Variants in KLF12 observed in about 807,000 individuals in gnomAD.
KLF12 encodes the protein KLF transcription factor 12, also known as Krueppel-like factor 12.
KLF12 carries 9 observed loss-of-function variants against 37.8 expected under a neutral mutation model. The ratio of observed to expected loss-of-function variants is 0.24; its 90% CI spans 0.14 to 0.42. The LOEUF (loss-of-function observed/expected upper bound fraction) is 0.42, where lower values mean the gene tolerates loss of function less well. Ranked by LOEUF, KLF12 falls within the 10% of genes least tolerant of loss-of-function variation. The probability of loss-of-function intolerance (pLI) is 1.00; values close to 1 mark genes in which losing one functional copy is unlikely to be tolerated. For synonymous variants in KLF12, 208 were observed against 202.1 expected (o/e 1.03, Z -0.25); for missense variants, 411 against 516.0 (o/e 0.80, Z 1.97).
At chr13:74,267,707 TA>T in the KLF12 span, among the ~76,000 whole-genome samples, 1 of 152,270 alleles carries the variant, frequency 6.6e-6, no homozygotes, top group East Asian at 1.9e-4. Flanking sequence ...ATTGTATAGT[TA>T]AAAATATCTA....
chr13:74,231,501 G>A, the KLF12 span: 2 of 152,196 alleles, frequency 1.3e-5, no homozygotes, highest in Admixed American at 6.5e-5. Context: ...GAGATTGAGG[G>A]CTTGGGCTTG....
intron 3 of KLF12, among the ~76,000 whole-genome samples, chr13:73,848,388 T>C (rs761240188): frequency 1.6e-4 from 25 of 152,052 alleles, no homozygotes; most frequent in Non-Finnish European, 3.4e-4. Flanking sequence ...TGCAGACTGC[T>C]TAGTCTTCTC....
At chr13:74,215,814 G>T in the KLF12 span, among the ~76,000 whole-genome samples, 2 of 152,250 alleles carry the variant, frequency 1.3e-5, no homozygotes. Context: ...CAGAAAGGTT[G>T]TGGGGAGGTG....
chr13:74,168,630 C>A, the KLF12 span, among the ~76,000 whole-genome samples: 1 of 152,118 alleles, frequency 6.6e-6, no homozygotes, highest in African/African-American at 2.4e-5. Context: ...AGTGTGTGAG[C>A]CTTCTCAAGG....
At chr13:73,725,818 C>A (rs572067541) in intron 6 of KLF12, among the ~76,000 whole-genome samples, 15 of 149,850 alleles carry the variant, frequency 1.0e-4, no homozygotes, top group African/African-American at 3.7e-4. Context: ...GTTTTAGATT[C>A]CCATATTTCA....
chr13:74,142,912 T>C, the KLF12 span, among the ~76,000 whole-genome samples: 1 of 152,192 alleles, frequency 6.6e-6, no homozygotes, highest in Non-Finnish European at 1.5e-5. Flanking sequence ...TTAGAATACA[T>C]ATGAAGTTAA....
At chr13:73,812,094 C>A (rs1156895839) in intron 5 of KLF12, among the ~76,000 whole-genome samples, 1 of 151,996 alleles carries the variant, frequency 6.6e-6, no homozygotes, top group Non-Finnish European at 1.5e-5. Context: ...TTTAAACCCT[C>A]CTCATCTTCA....
the KLF12 span, among the ~76,000 whole-genome samples, chr13:74,223,251 A>G: frequency 2.0e-5 from 3 of 152,236 alleles, no homozygotes; most frequent in South Asian, 2.1e-4. Context: ...AACAATACAC[A>G]ATCGGACTCT....
At chr13:73,857,736 G>C (rs1167962656) in intron 3 of KLF12, among the ~76,000 whole-genome samples, 1 of 152,120 alleles carries the variant, frequency 6.6e-6, no homozygotes, top group South Asian at 2.1e-4. Flanking sequence ...TTGAAACCAA[G>C]ATTTTAACCT....
At chr13:74,296,422 G>A in the KLF12 span, among the ~76,000 whole-genome samples, 2 of 152,140 alleles carry the variant, frequency 1.3e-5, no homozygotes, top group Non-Finnish European at 2.9e-5. Flanking sequence ...TAGATGAAAA[G>A]TGTGGGTTAG....
chr13:73,923,803 T>C (rs1473422505), intron 3 of KLF12, among the ~76,000 whole-genome samples: 1 of 152,206 alleles, frequency 6.6e-6, no homozygotes, highest in Non-Finnish European at 1.5e-5. Context: ...GAACCCAGGA[T>C]ATTTTACAGT....
chr13:73,741,319 G>T lies in KLF12; in HGVS notation c.869+23619C>A, dbSNP rs1566334043. ...GCCCCCATACAAGGGAGCCTGCCAG[G>T]GTTGTTCCCTGACCCCGGGAGAGCT... On this transcript the variant is annotated intron_variant, in intron 6 of 7. Coordinates refer to ENST00000377669, the MANE Select transcript of KLF12 (RefSeq NM_007249.5). Among the ~76,000 whole-genome samples, 6 of 151,910 alleles carry T rather than the reference G, an allele frequency of 3.9e-5. No individual in the cohort carries two copies. The South Asian group carries it at 1.2e-3, about 32-fold the overall frequency.
At chr13:74,071,460 G>T (rs1009281900) in intron 1 of KLF12, among the ~76,000 whole-genome samples, 2 of 152,062 alleles carry the variant, frequency 1.3e-5, no homozygotes, top group African/African-American at 4.8e-5. Flanking sequence ...GGTGAGGTGG[G>T]CGGATCACAA....
chr13:73,968,981 G>C (rs1230031577), intron 2 of KLF12, among the ~76,000 whole-genome samples: 1 of 149,902 alleles, frequency 6.7e-6, no homozygotes, highest in African/African-American at 2.5e-5. Flanking sequence ...GTCTAAGAAA[G>C]TTTATATTGC....
intron 3 of KLF12, among the ~76,000 whole-genome samples, chr13:73,873,458 G>C (rs141013911): frequency 1.3e-5 from 2 of 152,224 alleles, no homozygotes; most frequent in South Asian, 4.1e-4. Context: ...TATGGTTGTT[G>C]TGTCTTTACT....
At chr13:74,304,959 C>G in the KLF12 span, among the ~76,000 whole-genome samples, 1 of 152,094 alleles carries the variant, frequency 6.6e-6, no homozygotes, top group Non-Finnish European at 1.5e-5. Flanking sequence ...TTTAAGATGG[C>G]TTTCTCAGAA....
At chr13:74,129,958 G>C (rs1166340643) in intron 1 of KLF12, among the ~76,000 whole-genome samples, 1 of 152,190 alleles carries the variant, frequency 6.6e-6, no homozygotes, top group Admixed American at 6.5e-5. Flanking sequence ...GGCCGACCTA[G>C]GCCCTAAAAA....
At position 74,012,081 on chromosome 13, in the gene KLF12, C is replaced by A. The variant is rs184365108; in HGVS notation, c.-31-17028G>T. ...CCAAAGACATGTTTTCTTGTTTAATCTAGCATTTAATGCATCTGGATGTAA... is the reference window on the plus strand; with the variant it reads ...CCAAAGACATGTTTTCTTGTTTAATATAGCATTTAATGCATCTGGATGTAA... On this transcript the variant is annotated intron_variant, in intron 1 of 7. Transcript: ENST00000377669. 1.5e-3 allele frequency among the ~76,000 whole-genome samples: 229 copies of A among 152,298 alleles called. 1 individual carries two copies. Among genetic ancestry groups the A allele is most frequent in the African/African-American group, 5.1e-3 (213 of 41,572 alleles).
At chr13:74,244,518 C>T in the KLF12 span, among the ~76,000 whole-genome samples, 1 of 152,162 alleles carries the variant, frequency 6.6e-6, no homozygotes, top group Non-Finnish European at 1.5e-5. Flanking sequence ...AGGTAGGAAT[C>T]AGATGATGGA....
Sources: gnomAD v4.1 joint callset for allele counts (sites outside exome capture counted in the v4.1 genomes callset) on GRCh38, gnomAD v4.1.1 for gene constraint, MANE v1.5 for transcripts, NCBI Gene and HGNC (gene_info 2026-07-23, HGNC 2026-07-21) for gene names.